The following FAM222A variants were observed in gnomAD, a reference collection of about 807,000 sequenced individuals.
The protein encoded by FAM222A is protein FAM222A.
A neutral mutation model predicts 25.8 loss-of-function variants in FAM222A; 7 were observed. The observed-to-expected ratio is 0.27, with a 90% CI of 0.15 to 0.51. The LOEUF is 0.51. FAM222A is among the 20% of genes least tolerant of loss of function. The probability of loss-of-function intolerance (pLI) is 0.97; values close to 1 mark genes in which losing one functional copy is unlikely to be tolerated. For missense variants in FAM222A, 573 were observed against 640.5 expected, an observed-to-expected ratio of 0.89 and a Z score of 1.14; for synonymous variants, 294 against 298.8, an observed-to-expected ratio of 0.98 and a Z score of 0.17.
At position 109,714,426 on chromosome 12, in the gene FAM222A, CGCGG is replaced by C. The variant is rs972696294; in HGVS notation, c.-506_-503del. 1.6e-4 allele frequency: 24 copies of C among 152,394 alleles called. No homozygotes were observed. The highest frequency in any genetic ancestry group is 7.3e-5 in the Non-Finnish European group (5 of 68,150). The allele number at this position is 152,394 out of a possible 1,614,324, so 9.4% of individuals were successfully genotyped here. A position where few individuals can be genotyped will look rare whatever the true frequency, so the allele number is the denominator to read the frequency against. ...CGGGGCGAACCCGGGGGCTGCAAGC[CGCGG>C]GCGGGCGGGCGAGCGAGAGGAAGCA... On this transcript the variant is annotated 5_prime_UTR_variant, in exon 1 of 3. The change abolishes the stop of an existing upstream ORF in the 5' untranslated region. Coordinates refer to ENST00000538780, the MANE Select transcript of FAM222A (RefSeq NM_032829.3). The surrounding 1 kb of genome is among the most constrained non-coding windows in gnomAD (Gnocchi z 4.2).
intron 1 of FAM222A, among the ~76,000 whole-genome samples, chr12:109,729,411 C>G (rs577329315): frequency 6.6e-6 from 1 of 152,158 alleles, no homozygotes; most frequent in Non-Finnish European, 1.5e-5. Context: ...CAAGAGCCCC[C>G]GGAACCCAGT....
rs541422684 is a variant in FAM222A at position 109,755,372 on chromosome 12, GCGCAATCTCGGCTCAC to G, written c.82+11166_82+11181del. ...TTGTTACCCAGGCTGGAGTGTAATG[GCGCAATCTCGGCTCAC>G]CGCAATCTCGGCTCACCGCAACCTC... On this transcript the variant is annotated intron_variant, in intron 2 of 2. Transcript: ENST00000538780. 4.3e-3 allele frequency among the ~76,000 whole-genome samples: 532 copies of G among 124,184 alleles called. 3 individuals carry two copies. The highest frequency in any genetic ancestry group is 0.014 in the African/African-American group (460 of 32,562). The allele number at this position is 124,184 out of a possible 152,430, so 81.5% of individuals were successfully genotyped here.
chr12:109,769,346 G>A lies in FAM222A; in HGVS notation c.*58G>A, dbSNP rs990227857. ...AGGGCGCAGAGCCGGGAGGCAGGCC[G>A]CAGAACAGGGTGGGCGGCTCGCAGG... On this transcript the variant is annotated 3_prime_UTR_variant, in exon 3 of 3. Coordinates refer to ENST00000538780, the MANE Select transcript of FAM222A (RefSeq NM_032829.3). The A allele has an allele frequency of 2.2e-5, 33 of 1,505,640 alleles. No individual in the cohort carries two copies. Among genetic ancestry groups the A allele is most frequent in the African/African-American group, 1.5e-4 (11 of 72,502 alleles). The allele number at this position is 1,505,640 out of a possible 1,614,324, so 93.3% of individuals were successfully genotyped here.
intron 2 of FAM222A, among the ~76,000 whole-genome samples, chr12:109,751,645 A>G (rs1441583137): frequency 6.6e-6 from 1 of 152,178 alleles, no homozygotes; most frequent in Non-Finnish European, 1.5e-5. Context: ...GTTCCTGAAA[A>G]TATGGTTTGT....
In FAM222A at chr12:109,761,034, C is replaced by T. The variant is rs377561681; in HGVS notation, c.83-6978C>T. ...ACTGAGGGCAGGCACTGAGCTAAGC[C>T]GGCTCTTAACACCTCTCACAGAACC... On this transcript the variant is annotated intron_variant, in intron 2 of 2. Coordinates refer to ENST00000538780, the MANE Select transcript of FAM222A (RefSeq NM_032829.3). 9.8e-5 allele frequency among the ~76,000 whole-genome samples: 15 copies of T among 152,298 alleles called. No homozygotes were observed. The East Asian group carries it at 1.5e-3, about 16-fold the overall frequency.
At chr12:109,753,566 G>C (rs1376958750) in intron 2 of FAM222A, among the ~76,000 whole-genome samples, 1 of 152,022 alleles carries the variant, frequency 6.6e-6, no homozygotes, top group Non-Finnish European at 1.5e-5. Flanking sequence ...TCCCGGGGGG[G>C]GGAGCCTCTC....
At chr12:109,746,796 A>G (rs1162917425) in intron 2 of FAM222A, among the ~76,000 whole-genome samples, 1 of 151,806 alleles carries the variant, frequency 6.6e-6, no homozygotes, top group Non-Finnish European at 1.5e-5. Flanking sequence ...CTCCTCACCA[A>G]CCTCCTCCCC....
rs1491160312 is a variant in FAM222A, at chr12:109,714,192, GTC to G, written c.-751_-750del. 62 of 208,758 alleles carry G rather than the reference GTC, an allele frequency of 3.0e-4. No homozygotes were observed. Among genetic ancestry groups the G allele is most frequent in the African/African-American group, 1.2e-3 (52 of 42,026 alleles). 12.9% of individuals were successfully genotyped at this position (208,758 alleles called of 1,614,324 possible). ...CCCCCGAGGCTGCATCCGAGCTTGC[GTC>G]GCCCGCTGCCGCCGCCGCCGCCGCT... On this transcript the variant is annotated 5_prime_UTR_variant, in exon 1 of 3. Coordinates refer to ENST00000538780, the MANE Select transcript of FAM222A (RefSeq NM_032829.3). This position sits in a 1 kb window ranked among gnomAD's most constrained non-coding sequence, Gnocchi z 4.2.
At chr12:109,732,436 C>T (rs1041885952) in intron 1 of FAM222A, among the ~76,000 whole-genome samples, 1 of 152,248 alleles carries the variant, frequency 6.6e-6, no homozygotes, top group Non-Finnish European at 1.5e-5. Context: ...GTCCTGGGCT[C>T]CTGGACGCCA....
At position 109,756,609 on chromosome 12, in the gene FAM222A, G is replaced by A. The variant is rs905813926; in HGVS notation, c.83-11403G>A. ...GCAAATGCTCTGTGTCTATTGGGAT[G>A]AAGATGTGGTAGTTGTCCTTCTGTC... is the stretch of plus-strand genomic sequence containing the variant. On this transcript the variant is annotated intron_variant, in intron 2 of 2. Coordinates refer to ENST00000538780, the MANE Select transcript of FAM222A (RefSeq NM_032829.3). Among the ~76,000 whole-genome samples, 6 of 152,282 alleles carry A rather than the reference G, an allele frequency of 3.9e-5. No homozygotes were observed. The East Asian group carries it at 7.7e-4, about 20-fold the overall frequency.
intron 1 of FAM222A, among the ~76,000 whole-genome samples, chr12:109,730,446 G>GC (rs1887926592): frequency 6.6e-6 from 1 of 151,740 alleles, no homozygotes; most frequent in African/African-American, 2.4e-5. Context: ...TTCATTTAGT[G>GC]CCACAAGGCC....
rs573235404 is a variant in FAM222A at position 109,719,083 on chromosome 12, A to G, written c.-47+4186A>G. On this transcript the variant is annotated intron_variant, in intron 1 of 2. Coordinates refer to ENST00000538780, the MANE Select transcript of FAM222A (RefSeq NM_032829.3). ...GCGACCTGCCCAGACCACACAGCCA[A>G]TGTGCAGCCACCATCTGGGTCTCTC... Among the ~76,000 whole-genome samples the G allele has an allele frequency of 1.1e-3, 168 of 152,322 alleles. 1 individual carries two copies. In the Middle Eastern group the frequency reaches 0.014, roughly 12 times the overall value.
chr12:109,740,303 T>C (rs989077361), intron 1 of FAM222A, among the ~76,000 whole-genome samples: 2 of 152,166 alleles, frequency 1.3e-5, no homozygotes, highest in African/African-American at 2.4e-5. Flanking sequence ...TAAGGCGTCT[T>C]ATCAGCCCCC....
At chr12:109,715,570 A>G (rs1887627234) in intron 1 of FAM222A, among the ~76,000 whole-genome samples, 1 of 151,920 alleles carries the variant, frequency 6.6e-6, no homozygotes, top group Non-Finnish European at 1.5e-5. Flanking sequence ...TGGGTAGTGG[A>G]GGGGTGAAGG....
At chr12:109,729,820 T>C (rs1887911168) in intron 1 of FAM222A, among the ~76,000 whole-genome samples, 1 of 152,192 alleles carries the variant, frequency 6.6e-6, no homozygotes, top group African/African-American at 2.4e-5. Context: ...GTTTTTCTTC[T>C]TTTCGATTTA....
chr12:109,769,265 A>C lies in FAM222A; in HGVS notation c.1336A>C (p.Ile446Leu). 2 of 1,611,002 alleles carry C rather than the reference A, an allele frequency of 1.2e-6. No homozygotes were observed. The highest frequency in any genetic ancestry group is 8.5e-7 in the Non-Finnish European group (1 of 1,179,280). ...PRLLDHQHAH[I>L]RLPVYR ...GCTACTCGACCACCAGCATGCCCAC[A>C]TCCGCCTACCCGTCTACAGATAAGG... The change falls in exon 3 of 3, where the codon ATC (isoleucine) becomes CTC (leucine). Residue 446 changes from isoleucine to leucine, a missense_variant. Coordinates refer to ENST00000538780, the MANE Select transcript of FAM222A (RefSeq NM_032829.3).
chr12:109,750,575 A>G (rs1029049277), intron 2 of FAM222A, among the ~76,000 whole-genome samples: 3 of 152,164 alleles, frequency 2.0e-5, no homozygotes, highest in Non-Finnish European at 2.9e-5. Context: ...CTTATAATAT[A>G]GCATCTGGTA....
chr12:109,730,007 T>A (rs1163910737), intron 1 of FAM222A, among the ~76,000 whole-genome samples: 1 of 152,174 alleles, frequency 6.6e-6, no homozygotes, highest in Non-Finnish European at 1.5e-5. Flanking sequence ...CCAAAGTCCC[T>A]GCCATGACCA....
chr12:109,754,746 C>T (rs1428729769), intron 2 of FAM222A, among the ~76,000 whole-genome samples: 1 of 151,884 alleles, frequency 6.6e-6, no homozygotes, highest in Non-Finnish European at 1.5e-5. Context: ...TGGCTCGCTA[C>T]AGCCTCGACC....
Sources: allele counts gnomAD v4.1 joint callset (sites outside exome capture counted in the v4.1 genomes callset), GRCh38; gene constraint gnomAD v4.1.1; non-coding constraint Gnocchi (gnomAD v3.1); transcripts MANE v1.5; gene names NCBI Gene and HGNC (gene_info 2026-07-23, HGNC 2026-07-21).